RPIA: variants seen among roughly 807,000 people sequenced by gnomAD.
RPIA encodes ribose 5-phosphate isomerase A, also known as ribose-5-phosphate isomerase.
A neutral mutation model predicts 37.8 loss-of-function variants in RPIA; 29 were observed. The ratio of observed to expected loss-of-function variants is 0.77; its 90% CI spans 0.57 to 1.05. The LOEUF (loss-of-function observed/expected upper bound fraction) is 1.05. Among genes scored for constraint, RPIA ranks in the 50% least tolerant of loss-of-function variants. RPIA has a pLI of 0.00. For missense variants in RPIA, 385 were observed against 413.6 expected (o/e 0.93, Z 0.60); for synonymous variants, 167 against 157.0 (o/e 1.06, Z -0.48).
chr2:88,736,590 A>G lies in RPIA; in HGVS notation c.652A>G (p.Ile218Val). The change falls in exon 7 of 9, where the codon ATC becomes GTC. Residue 218 changes from isoleucine to valine, a missense_variant. By Grantham distance (29) the Ile-to-Val change is conservative. Around this residue, in one of 2 missense-constraint regions of RPIA, gnomAD observed 153 missense variants for 210.6 expected, o/e 0.73. Coordinates refer to ENST00000283646, the MANE Select transcript of RPIA (RefSeq NM_144563.3). Reference protein sequence around the residue: ...QWHKGIPIEVIPMAYVPVSRA... With the variant: ...QWHKGIPIEVVPMAYVPVSRA... ...GCACAAGGGAATCCCCATCGAGGTC[A>G]TCCCAATGGCCTATGTCCCAGTGAG... 6.2e-7 allele frequency: 1 copy of G among 1,614,182 alleles called. No individual in the cohort carries two copies. The highest frequency in any genetic ancestry group is 8.5e-7 in the Non-Finnish European group (1 of 1,180,032).
At chr2:88,745,648 T>A (rs1673430735) in intron 8 of RPIA, among the ~76,000 whole-genome samples, 1 of 152,264 alleles carries the variant, frequency 6.6e-6, no homozygotes, top group Non-Finnish European at 1.5e-5. Flanking sequence ...AGAAATCTGC[T>A]GTTAATTTGA....
At chr2:88,696,239 G>A (rs1355857574) in intron 1 of RPIA, among the ~76,000 whole-genome samples, 2 of 151,716 alleles carry the variant, frequency 1.3e-5, no homozygotes, top group Non-Finnish European at 2.9e-5. Flanking sequence ...ATGTTTCAGC[G>A]AATTGAACTT....
Position 88,735,713 on chromosome 2 carries a change from G to A in RPIA, c.572G>A (p.Arg191His), listed in dbSNP as rs779800054. ...AAGATTGTGGCTGGCTATGCTAGTC[G>A]CTTCATCGTGATCGCTGATTTCAGG... ...QEKIVAGYASRFIVIADFRKD... is the reference protein window; with the variant it reads ...QEKIVAGYASHFIVIADFRKD... The change falls in exon 6 of 9, where the codon CGC becomes CAC. Residue 191 changes from arginine to histidine, a missense_variant. Arg to His is a conservative substitution (Grantham distance 29). Coordinates refer to ENST00000283646, the MANE Select transcript of RPIA (RefSeq NM_144563.3). The A allele has an allele frequency of 1.2e-5, 19 of 1,613,912 alleles. No homozygotes were observed. Among genetic ancestry groups the A allele is most frequent in the South Asian group, 6.6e-5 (6 of 91,080 alleles).
intron 6 of RPIA, among the ~76,000 whole-genome samples, 199 bp downstream of exon 6, chr2:88,735,936 A>C (rs1673309601): frequency 6.6e-6 from 1 of 152,194 alleles, no homozygotes; most frequent in South Asian, 2.1e-4. Flanking sequence ...TAATCACAGC[A>C]CTGTTATCCG....
chr2:88,715,193 AG>A (rs979945263), intron 3 of RPIA, among the ~76,000 whole-genome samples: 10 of 152,158 alleles, frequency 6.6e-5, no homozygotes, highest in Non-Finnish European at 1.3e-4. Context: ...GGGGATTTTA[AG>A]GGTTTTGGAA....
At chr2:88,738,400 G>A (rs1449375465) in intron 8 of RPIA, among the ~76,000 whole-genome samples, 2 of 152,240 alleles carry the variant, frequency 1.3e-5, no homozygotes, top group Admixed American at 1.3e-4. Context: ...TTTCCTTCCA[G>A]GAGCTGGACT....
At chr2:88,693,446 A>G (rs1469106597) in intron 1 of RPIA, among the ~76,000 whole-genome samples, 1 of 152,228 alleles carries the variant, frequency 6.6e-6, no homozygotes, top group African/African-American at 2.4e-5. Flanking sequence ...GGTTTGGCTT[A>G]AAGGCCATTT....
intron 8 of RPIA, among the ~76,000 whole-genome samples, chr2:88,745,629 C>T (rs1416543664): frequency 1.3e-5 from 2 of 152,200 alleles, no homozygotes; most frequent in Non-Finnish European, 2.9e-5. Context: ...GCTTGTAGGG[C>T]TTCTGCTGAG....
intron 3 of RPIA, among the ~76,000 whole-genome samples, chr2:88,715,590 C>T (rs1246306189): frequency 4.6e-5 from 7 of 152,204 alleles, no homozygotes; most frequent in Non-Finnish European, 1.0e-4. Flanking sequence ...TTAATTATAA[C>T]TATATTTTTG....
In RPIA at chr2:88,729,294, T is replaced by G. The variant is rs1673236329; in HGVS notation, c.419T>G (p.Leu140Arg). ...CCTCCGCAGGCCCGCCAGCTCATCC[T>G]GCAGTATGGCTTGACCCTCAGTGAT... Reference protein sequence around the residue: ...PTSFQARQLILQYGLTLSDLD... With the variant: ...PTSFQARQLIRQYGLTLSDLD... The change falls in exon 4 of 9, where the codon CTG (leucine) becomes CGG (arginine). Residue 140 changes from leucine (L) to arginine (R), a missense_variant. Physicochemically the swap from Leu to Arg is moderately radical, Grantham distance 102. Around this residue, in one of 2 missense-constraint regions of RPIA, gnomAD observed 232 missense variants for 203.0 expected, o/e 1.14. Transcript: ENST00000283646. The G allele has an allele frequency of 6.2e-7, 1 of 1,614,228 alleles. No homozygotes were observed. Among genetic ancestry groups the G allele is most frequent in the Non-Finnish European group, 8.5e-7 (1 of 1,180,028 alleles).
intron 3 of RPIA, among the ~76,000 whole-genome samples, chr2:88,712,858 G>GCTT (rs928368624): frequency 2.6e-5 from 4 of 151,416 alleles, no homozygotes; most frequent in South Asian, 2.1e-4. Flanking sequence ...GGTTGCCCTT[G>GCTT]CTTCTTCTTC....
chr2:88,710,192 G>A (rs1426310942), intron 3 of RPIA, among the ~76,000 whole-genome samples: 2 of 152,140 alleles, frequency 1.3e-5, no homozygotes, highest in African/African-American at 4.8e-5. Context: ...GACTACAGGT[G>A]CATGCCACCA....
intron 1 of RPIA, among the ~76,000 whole-genome samples, chr2:88,693,598 A>G (rs1292525287): frequency 6.6e-6 from 1 of 152,224 alleles, no homozygotes; most frequent in African/African-American, 2.4e-5. Context: ...AGCCCCTTAA[A>G]GGGTAAGCTC....
At chr2:88,704,104 G>C (rs973550142) in intron 3 of RPIA, among the ~76,000 whole-genome samples, 3 of 152,132 alleles carry the variant, frequency 2.0e-5, no homozygotes, top group Admixed American at 6.5e-5. Flanking sequence ...TTTGGGCAAG[G>C]CCATTCAACA....
intron 8 of RPIA, among the ~76,000 whole-genome samples, chr2:88,745,270 A>G (rs1191267242): frequency 6.6e-6 from 1 of 152,148 alleles, no homozygotes; most frequent in African/African-American, 2.4e-5. Context: ...TAGGCAGTTT[A>G]CATTCAGCGT....
At chr2:88,694,103 G>C (rs535309728) in intron 1 of RPIA, among the ~76,000 whole-genome samples, 2 of 152,352 alleles carry the variant, frequency 1.3e-5, no homozygotes, top group African/African-American at 4.8e-5. Context: ...ACATACATGT[G>C]GTTTAATATT....
chr2:88,707,897 G>A (rs766913403), intron 3 of RPIA, among the ~76,000 whole-genome samples: 2 of 152,204 alleles, frequency 1.3e-5, no homozygotes, highest in Non-Finnish European at 2.9e-5. Context: ...GGGGCCTCTT[G>A]ATAGTTTATT....
chr2:88,735,802 AT>A, intron 6 of RPIA, 65 bp downstream of exon 6: 1 of 1,495,792 alleles, frequency 6.7e-7, no homozygotes, highest in Non-Finnish European at 9.3e-7. Flanking sequence ...CCGCATCCCC[AT>A]TTTTGTGAAA....
intron 1 of RPIA, among the ~76,000 whole-genome samples, chr2:88,694,402 G>A (rs991181452): frequency 6.6e-6 from 1 of 152,234 alleles, no homozygotes. Flanking sequence ...GCTGGGGACT[G>A]TGAGTGACAT....
Sources: allele counts gnomAD v4.1 joint callset (sites outside exome capture counted in the v4.1 genomes callset), GRCh38; gene constraint gnomAD v4.1.1; regional missense constraint gnomAD v4.1.1; transcripts MANE v1.5; gene names NCBI Gene and HGNC (gene_info 2026-07-23, HGNC 2026-07-21).